CTNNA1: variants seen among roughly 807,000 people sequenced by gnomAD.
CTNNA1 encodes the protein catenin alpha-1.
In CTNNA1, 37 loss-of-function variants were observed where a neutral mutation model predicts 98.4. The ratio of observed to expected loss-of-function variants is 0.38; its 90% CI spans 0.29 to 0.49. The LOEUF is 0.49. Ranked by LOEUF, CTNNA1 falls within the 20% of genes least tolerant of loss-of-function variation. The pLI is 0.95. For synonymous variants in CTNNA1, 404 were observed against 413.2 expected, an observed-to-expected ratio of 0.98 and a Z score of 0.27; for missense variants, 761 against 1,147.2, an observed-to-expected ratio of 0.66 and a Z score of 4.86.
chr5:138,836,513 T>C (rs1261231121), intron 7 of CTNNA1, among the ~76,000 whole-genome samples: 2 of 152,250 alleles, frequency 1.3e-5, no homozygotes, highest in East Asian at 3.8e-4. Context: ...TTCCCATTTA[T>C]GAGCTATCCT....
At chr5:138,760,202 C>T (rs1752189639) in intron 1 of CTNNA1, among the ~76,000 whole-genome samples, 1 of 151,492 alleles carries the variant, frequency 6.6e-6, no homozygotes, top group Non-Finnish European at 1.5e-5. Flanking sequence ...CCATGTTGGT[C>T]AGGCTGGTCT....
intron 7 of CTNNA1, among the ~76,000 whole-genome samples, chr5:138,882,497 C>CTTTCAT (rs1753136045): frequency 6.6e-6 from 1 of 152,116 alleles, no homozygotes; most frequent in African/African-American, 2.4e-5. Context: ...CAATGTAGGG[C>CTTTCAT]ACTTTTTATC....
At chr5:138,909,434 C>T (rs1264218053) in intron 10 of CTNNA1, among the ~76,000 whole-genome samples, 1 of 149,922 alleles carries the variant, frequency 6.7e-6, no homozygotes, top group Admixed American at 6.7e-5. Context: ...TCATGAATCA[C>T]TGCAGCCTTG....
At chr5:138,815,394 T>C (rs1759329756) in intron 5 of CTNNA1, among the ~76,000 whole-genome samples, 1 of 152,134 alleles carries the variant, frequency 6.6e-6, no homozygotes. Flanking sequence ...GGATTTCATT[T>C]GTGGGCTCCT....
At position 138,814,599 on chromosome 5, in the gene CTNNA1, T is replaced by C. The variant is rs1250923598; in HGVS notation, c.588+2297T>C. 2.6e-5 allele frequency among the ~76,000 whole-genome samples: 4 copies of C among 152,226 alleles called. No homozygotes were observed. The East Asian group carries it at 7.7e-4, about 29-fold the overall frequency. On this transcript the variant is annotated intron_variant, in intron 5 of 17. Transcript: ENST00000302763. Reference sequence around the variant, plus strand: ...AATATGTGAAGTAAATATTAAGTTATATTTAAAAGATACAATTTGGCAAAT... The same window carrying C: ...AATATGTGAAGTAAATATTAAGTTACATTTAAAAGATACAATTTGGCAAAT...
intron 1 of CTNNA1, among the ~76,000 whole-genome samples, chr5:138,773,720 T>G (rs1016691322): frequency 3.9e-5 from 6 of 152,058 alleles, no homozygotes; most frequent in Non-Finnish European, 7.4e-5. Flanking sequence ...TTAATTTTTT[T>G]TTTTTTTTTA....
At chr5:138,824,894 C>T (rs1014783658) in intron 6 of CTNNA1, 95 bp downstream of exon 6, 2 of 1,137,394 alleles carry the variant, frequency 1.8e-6, no homozygotes, top group East Asian at 2.4e-5. Flanking sequence ...CTGATGATAG[C>T]TCAATTTCCA....
intron 5 of CTNNA1, among the ~76,000 whole-genome samples, chr5:138,821,687 G>T (rs567756412): frequency 6.6e-6 from 1 of 152,194 alleles, no homozygotes; most frequent in South Asian, 2.1e-4. Context: ...CTATTTTTTG[G>T]TCAGTCCATG....
chr5:138,785,307 C>T (rs572501526), intron 3 of CTNNA1, among the ~76,000 whole-genome samples: 34 of 151,830 alleles, frequency 2.2e-4, no homozygotes, highest in Admixed American at 1.1e-3. Flanking sequence ...GTGATCCGCC[C>T]GCCTCGGCCT....
chr5:138,896,791 TTA>T (rs1756913889), intron 9 of CTNNA1, among the ~76,000 whole-genome samples: 1 of 152,204 alleles, frequency 6.6e-6, no homozygotes, highest in African/African-American at 2.4e-5. Context: ...CATGATTTCT[TTA>T]TGTTGCTCTT....
At chr5:138,779,723 GTT>G (rs34599573) in intron 1 of CTNNA1, among the ~76,000 whole-genome samples, 46 of 24,538 alleles carry the variant, frequency 1.9e-3, no homozygotes, top group Non-Finnish European at 5.4e-3. Context: ...TTTTGTTTTT[GTT>G]TTTTTTTTGA....
intron 9 of CTNNA1, among the ~76,000 whole-genome samples, chr5:138,898,167 C>CT (rs1157271115): frequency 6.8e-6 from 1 of 146,000 alleles, no homozygotes; most frequent in East Asian, 2.0e-4. Context: ...CACCCCCCCC[C>CT]ACCCCTTCTC....
At position 138,785,749 on chromosome 5, in the gene CTNNA1, A is replaced by ATAGTG. The variant is rs879461884; in HGVS notation, c.301+2397_301+2401dup. On this transcript the variant is annotated intron_variant, in intron 3 of 17. Coordinates refer to ENST00000302763, the MANE Select transcript of CTNNA1 (RefSeq NM_001903.5). ...CTAATTTTTGTATTTTTAGTATAGT[A>ATAGTG]TAGTGTAGTGTAGTGTAGTGTAGTA... 8.0e-4 allele frequency among the ~76,000 whole-genome samples: 121 copies of ATAGTG among 151,976 alleles called. 1 individual carries two copies. The highest frequency in any genetic ancestry group is 6.8e-3 in the Middle Eastern group (2 of 294).
rs1297207407 is a variant in CTNNA1 at position 138,760,507 on chromosome 5, G to C, written c.-3+6997G>C. Among the ~76,000 whole-genome samples the C allele has an allele frequency of 2.0e-5, 3 of 151,714 alleles. No homozygotes were observed. In the South Asian group the frequency reaches 6.2e-4, roughly 32 times the overall value. The stretch of plus-strand genomic sequence containing the variant: ...AGCCTCCTGAGTAGCTGGGATTACA[G>C]GTGTGCGCCACTACCACCCGGCTAA... On this transcript the variant is annotated intron_variant, in intron 1 of 17. Transcript: ENST00000302763.
chr5:138,874,691 G>T lies in CTNNA1; in HGVS notation c.1063-11521G>T. ...GCATATAACTTATTTTTCATTTACT[G>T]CAGAAAAATTAACCTTATTGGTATG... On this transcript the variant is annotated intron_variant, in intron 7 of 17. Transcript: ENST00000302763. This position sits in a 1 kb window ranked among gnomAD's most constrained non-coding sequence, Gnocchi z 4.1. 1 of 742,934 alleles carries T rather than the reference G, an allele frequency of 1.3e-6. No individual in the cohort carries two copies. Among genetic ancestry groups the T allele is most frequent in the Non-Finnish European group, 2.1e-6 (1 of 467,618 alleles). 46.0% of individuals were successfully genotyped at this position (742,934 alleles called of 1,614,324 possible). A position where few individuals can be genotyped will look rare whatever the true frequency, so the allele number is the denominator to read the frequency against.
chr5:138,824,466 A>G (rs1760426771), intron 5 of CTNNA1, 64 bp from the exon 6 acceptor site: 2 of 1,538,474 alleles, frequency 1.3e-6, no homozygotes, highest in South Asian at 2.5e-5. Context: ...TTACCAGCAA[A>G]TTTTTATATG....
chr5:138,781,168 G>A (rs1755058480), intron 1 of CTNNA1, among the ~76,000 whole-genome samples: 1 of 152,182 alleles, frequency 6.6e-6, no homozygotes, highest in African/African-American at 2.4e-5. Context: ...ATGAAGTGAA[G>A]CATACCTTTT....
chr5:138,930,371 C>G, intron 14 of CTNNA1, 102 bp from the exon 15 acceptor site: 1 of 838,442 alleles, frequency 1.2e-6, no homozygotes, highest in African/African-American at 1.7e-5. Context: ...AAGCATTATC[C>G]TACCTATGCC....
chr5:138,775,294 C>T (rs1753982130), intron 1 of CTNNA1, among the ~76,000 whole-genome samples: 1 of 152,172 alleles, frequency 6.6e-6, no homozygotes, highest in Non-Finnish European at 1.5e-5. Flanking sequence ...GTTGTCAAAC[C>T]TTTAGCAATC....
Sources: allele counts gnomAD v4.1 joint callset (sites outside exome capture counted in the v4.1 genomes callset), GRCh38; gene constraint gnomAD v4.1.1; non-coding constraint Gnocchi (gnomAD v3.1); transcripts MANE v1.5; gene names NCBI Gene and HGNC (gene_info 2026-07-23, HGNC 2026-07-21).